Variants in SLC15A2 observed in about 807,000 individuals in gnomAD.
SLC15A2 encodes the protein kidney H(+)/peptide cotransporter.
Under a neutral mutation model 95.5 loss-of-function variants are expected in SLC15A2, and 77 were observed. The ratio of observed to expected loss-of-function variants is 0.81; its 90% confidence interval spans 0.67 to 0.97. SLC15A2 has a LOEUF of 0.97. Ranked by LOEUF, SLC15A2 falls within the 50% of genes least tolerant of loss-of-function variation. The probability of loss-of-function intolerance (pLI) is 0.00; values close to 1 mark genes in which losing one functional copy is unlikely to be tolerated. For synonymous variants in SLC15A2, 306 were observed against 306.9 expected (o/e 1.00, Z 0.03); for missense variants, 893 against 874.4 (o/e 1.02, Z -0.27).
At chr3:121,926,769 C>T (rs1210475361) in intron 13 of SLC15A2, among the ~76,000 whole-genome samples, 1 of 152,226 alleles carries the variant, frequency 6.6e-6, no homozygotes, top group Non-Finnish European at 1.5e-5. Flanking sequence ...GCACCCTGGG[C>T]CTGGAAAACC....
intron 3 of SLC15A2, among the ~76,000 whole-genome samples, chr3:121,902,694 C>A (rs982681054): frequency 6.6e-6 from 1 of 152,104 alleles, no homozygotes; most frequent in African/African-American, 2.4e-5. Flanking sequence ...TGAACTCATC[C>A]TTTTTTATGG....
intron 20 of SLC15A2, 127 bp from the exon 21 acceptor site, chr3:121,940,257 A>G: frequency 1.5e-6 from 1 of 646,538 alleles, no homozygotes; most frequent in South Asian, 1.8e-5. Context: ...CTCTGAATCA[A>G]TGTGATAGCT....
rs140571629 is a variant in SLC15A2 at position 121,909,431 on chromosome 3, G to A, written c.336-2143G>A. 3.9e-5 allele frequency among the ~76,000 whole-genome samples: 6 copies of A among 152,288 alleles called. No individual in the cohort carries two copies. The East Asian group carries it at 9.6e-4, about 24-fold the overall frequency. On this transcript the variant is annotated intron_variant, in intron 3 of 21. Transcript: ENST00000489711. ...CAGTTTCTTGATTTGTAAAATTGAA[G>A]GATTAGTGAAGTCAACCTAAAGCAT...
chr3:121,922,116 GTTA>G, intron 7 of SLC15A2, 101 bp from the exon 8 acceptor site: 1 of 845,066 alleles, frequency 1.2e-6, no homozygotes, highest in Admixed American at 2.2e-5. Context: ...TTGTGCAAAA[GTTA>G]TTGTGGTTTT....
chr3:121,897,537 A>G lies in SLC15A2; in HGVS notation c.335+8A>G. On this transcript the variant is annotated splice_region_variant and intron_variant, in intron 3 of 21. Transcript: ENST00000489711. ...GTGGTTGGGAAAATTCAAGTAAGGA[A>G]GATGGGAGGTCACATCCCTACAAGT... is the stretch of plus-strand genomic sequence containing the variant. 6.2e-7 allele frequency: 1 copy of G among 1,613,824 alleles called. No homozygotes were observed. Among genetic ancestry groups the G allele is most frequent in the Non-Finnish European group, 8.5e-7 (1 of 1,179,926 alleles).
chr3:121,897,641 TAAG>T, intron 3 of SLC15A2, 112 bp downstream of exon 3: 5 of 1,050,624 alleles, frequency 4.8e-6, no homozygotes, highest in Non-Finnish European at 6.9e-6. Context: ...GCGTGAAAAA[TAAG>T]AATCTCTGTA....
chr3:121,906,413 G>A (rs1019948414), intron 3 of SLC15A2, among the ~76,000 whole-genome samples: 4 of 152,158 alleles, frequency 2.6e-5, no homozygotes, highest in Non-Finnish European at 4.4e-5. Flanking sequence ...GATGTTAGCT[G>A]GTTATTTTGC....
intron 3 of SLC15A2, among the ~76,000 whole-genome samples, chr3:121,906,286 C>T (rs992899275): frequency 6.6e-6 from 1 of 152,188 alleles, no homozygotes; most frequent in Non-Finnish European, 1.5e-5. Flanking sequence ...GAATACAGCA[C>T]ACTGATGGGT....
chr3:121,915,535 C>G (rs556861334), intron 6 of SLC15A2, 81 bp from the exon 7 acceptor site: 23 of 1,116,900 alleles, frequency 2.1e-5, no homozygotes, highest in Non-Finnish European at 3.0e-5. Flanking sequence ...CAGGTTTATT[C>G]AACAACCTGA....
At chr3:121,919,608 C>T (rs1179535629) in intron 7 of SLC15A2, among the ~76,000 whole-genome samples, 7 of 152,170 alleles carry the variant, frequency 4.6e-5, no homozygotes, top group Non-Finnish European at 7.3e-5. Context: ...AGTTCTCACT[C>T]AGGTCATGGA....
chr3:121,933,051 G>A (rs1206916661), intron 19 of SLC15A2, among the ~76,000 whole-genome samples: 4 of 149,802 alleles, frequency 2.7e-5, no homozygotes, highest in Admixed American at 1.3e-4. Flanking sequence ...TGAGAATGAT[G>A]ATTTCCAATT....
At chr3:121,902,350 T>A (rs1709536370) in intron 3 of SLC15A2, among the ~76,000 whole-genome samples, 1 of 152,050 alleles carries the variant, frequency 6.6e-6, no homozygotes. Flanking sequence ...TTTATTTTAA[T>A]TTAATTTTAA....
At chr3:121,930,995 G>GT in intron 18 of SLC15A2, 45 bp downstream of exon 18, 1 of 1,275,294 alleles carries the variant, frequency 7.8e-7, no homozygotes, top group Non-Finnish European at 1.1e-6. Context: ...GTCAATAATT[G>GT]TTTTTTAAGT....
intron 3 of SLC15A2, among the ~76,000 whole-genome samples, chr3:121,907,869 A>T (rs1042355237): frequency 1.3e-5 from 2 of 152,238 alleles, no homozygotes; most frequent in Middle Eastern, 3.2e-3. Context: ...CCGTTCTCAG[A>T]GCTCAAAAAC....
At chr3:121,917,444 T>A (rs945599371) in intron 7 of SLC15A2, among the ~76,000 whole-genome samples, 4 of 152,162 alleles carry the variant, frequency 2.6e-5, no homozygotes, top group African/African-American at 9.7e-5. Context: ...ATCCCAGCAC[T>A]TTGGGAGGCC....
intron 19 of SLC15A2, among the ~76,000 whole-genome samples, chr3:121,932,146 C>T (rs1710246120): frequency 6.6e-6 from 1 of 152,118 alleles, no homozygotes; most frequent in East Asian, 1.9e-4. Context: ...TCAGATGATC[C>T]ACCAGCCTCA....
intron 3 of SLC15A2, among the ~76,000 whole-genome samples, chr3:121,902,572 A>T (rs1480581006): frequency 2.0e-5 from 3 of 151,990 alleles, no homozygotes; most frequent in Non-Finnish European, 4.4e-5. Flanking sequence ...AAGTGTTCTC[A>T]TTGTTCAATT....
chr3:121,928,349 C>T, intron 14 of SLC15A2, 72 bp from the exon 15 acceptor site: 1 of 1,542,530 alleles, frequency 6.5e-7, no homozygotes, highest in Non-Finnish European at 8.8e-7. Context: ...TCAGAAACAA[C>T]TGAGATATGT....
chr3:121,909,573 T>G (rs1709720692), intron 3 of SLC15A2, among the ~76,000 whole-genome samples: 1 of 152,214 alleles, frequency 6.6e-6, no homozygotes, highest in South Asian at 2.1e-4. Context: ...GTTTCCTCTC[T>G]TATATCCCTC....
Sources: allele counts gnomAD v4.1 joint callset (sites outside exome capture counted in the v4.1 genomes callset), GRCh38; gene constraint gnomAD v4.1.1; transcripts MANE v1.5; gene names NCBI Gene and HGNC (gene_info 2026-07-23, HGNC 2026-07-21).